Variants in FHIT observed in about 807,000 individuals in gnomAD.
FHIT encodes the protein fragile histidine triad diadenosine triphosphatase, also known as bis(5'-adenosyl)-triphosphatase.
FHIT carries 19 observed loss-of-function variants against 17.9 expected under a neutral mutation model. The ratio of observed to expected loss-of-function variants is 1.06; its 90% CI spans 0.74 to 1.56. The LOEUF (loss-of-function observed/expected upper bound fraction) is 1.56. FHIT is among the 40% of genes most tolerant of loss of function. The pLI is 0.00. For missense variants in FHIT, 248 were observed against 189.2 expected, an observed-to-expected ratio of 1.31 and a Z score of -1.82; for synonymous variants, 81 against 69.7, an observed-to-expected ratio of 1.16 and a Z score of -0.81.
chr3:59,806,156 G>C (rs1446899276), intron 8 of FHIT, among the ~76,000 whole-genome samples: 1 of 151,316 alleles, frequency 6.6e-6, no homozygotes, highest in Non-Finnish European at 1.5e-5. Context: ...ACTCCAGCCT[G>C]GGAGACAGCG....
chr3:60,978,716 C>T (rs898656456), intron 3 of FHIT, among the ~76,000 whole-genome samples: 2 of 152,150 alleles, frequency 1.3e-5, no homozygotes, highest in Non-Finnish European at 2.9e-5. Flanking sequence ...AGATCATGTG[C>T]ATCATCAGGT....
chr3:60,176,287 G>C (rs1015102059), intron 5 of FHIT, among the ~76,000 whole-genome samples: 1 of 152,160 alleles, frequency 6.6e-6, no homozygotes, highest in Non-Finnish European at 1.5e-5. Context: ...AGGAGGCAAA[G>C]GTTGCAGAGA....
intron 3 of FHIT, among the ~76,000 whole-genome samples, chr3:60,867,840 T>C (rs1434835279): frequency 6.6e-6 from 1 of 152,192 alleles, no homozygotes; most frequent in Non-Finnish European, 1.5e-5. Flanking sequence ...TTTGGGCATG[T>C]ACCATTAGCA....
At chr3:60,208,842 T>C (rs213323) in intron 5 of FHIT, among the ~76,000 whole-genome samples, 33,824 of 152,060 alleles carry the variant, frequency 0.22, 4,007 homozygotes, top group Middle Eastern at 0.29. Context: ...AGCTCTAAGT[T>C]TCCATGACTA....
intron 5 of FHIT, among the ~76,000 whole-genome samples, chr3:60,522,552 T>C (rs973212204): frequency 4.6e-5 from 7 of 152,198 alleles, no homozygotes; most frequent in Admixed American, 2.0e-4. Context: ...CAAGGAAACC[T>C]GAGAGCTCAC....
chr3:60,928,393 C>T (rs1237029390), intron 3 of FHIT, among the ~76,000 whole-genome samples: 3 of 137,380 alleles, frequency 2.2e-5, no homozygotes, highest in African/African-American at 8.1e-5. Flanking sequence ...AAAAAAAGTG[C>T]GAAAATTAGC....
At chr3:60,753,326 G>C (rs1209956982) in intron 4 of FHIT, among the ~76,000 whole-genome samples, 1 of 152,182 alleles carries the variant, frequency 6.6e-6, no homozygotes, top group Non-Finnish European at 1.5e-5. Flanking sequence ...TTTATTCTCT[G>C]GCAGAGCTGG....
intron 5 of FHIT, among the ~76,000 whole-genome samples, chr3:60,441,794 A>T (rs370384095): frequency 5.1e-4 from 24 of 47,064 alleles, no homozygotes; most frequent in African/African-American, 1.1e-3. Flanking sequence ...ATATATATAT[A>T]TATATATATA....
intron 4 of FHIT, among the ~76,000 whole-genome samples, chr3:60,700,007 T>C (rs1188734374): frequency 6.6e-6 from 1 of 151,706 alleles, no homozygotes; most frequent in Non-Finnish European, 1.5e-5. Flanking sequence ...GGTGCATGCC[T>C]GTAATCCCAG....
chr3:60,917,961 C>G (rs1219959670), intron 3 of FHIT, among the ~76,000 whole-genome samples: 1 of 152,152 alleles, frequency 6.6e-6, no homozygotes, highest in Non-Finnish European at 1.5e-5. Flanking sequence ...GTTGTGTGCC[C>G]ACCTAAATCT....
At chr3:60,879,889 C>G (rs189308118) in intron 3 of FHIT, among the ~76,000 whole-genome samples, 42 of 151,376 alleles carry the variant, frequency 2.8e-4, no homozygotes, top group African/African-American at 9.7e-4. Context: ...GACTACAAGA[C>G]TTATAGGACA....
intron 5 of FHIT, among the ~76,000 whole-genome samples, chr3:60,403,148 G>C (rs1701726940): frequency 6.6e-6 from 1 of 152,230 alleles, no homozygotes. Flanking sequence ...GCCCGGGATA[G>C]ACAAAGACAG....
intron 3 of FHIT, among the ~76,000 whole-genome samples, chr3:60,888,656 A>G (rs1705345437): frequency 6.6e-6 from 1 of 152,234 alleles, no homozygotes; most frequent in Non-Finnish European, 1.5e-5. Context: ...CAACCAACTA[A>G]TTGGTATATA....
At chr3:61,210,996 A>G (rs2039448375) in intron 1 of FHIT, among the ~76,000 whole-genome samples, 1 of 152,112 alleles carries the variant, frequency 6.6e-6, no homozygotes, top group African/African-American at 2.4e-5. Context: ...AAAACTAGAT[A>G]TTTAAAAATA....
chr3:60,616,386 C>T (rs1294724738), intron 4 of FHIT, among the ~76,000 whole-genome samples: 2 of 152,166 alleles, frequency 1.3e-5, no homozygotes, highest in African/African-American at 4.8e-5. Context: ...ATGATGTGCA[C>T]AGGTGTGCTG....
intron 3 of FHIT, among the ~76,000 whole-genome samples, chr3:60,962,980 A>G (rs1392311277): frequency 1.3e-5 from 2 of 152,094 alleles, no homozygotes; most frequent in Non-Finnish European, 2.9e-5. Context: ...TTTTCTCTTG[A>G]TTGGAATGGT....
intron 5 of FHIT, among the ~76,000 whole-genome samples, chr3:60,235,023 C>T (rs1023474436): frequency 4.6e-5 from 7 of 152,168 alleles, no homozygotes; most frequent in Admixed American, 2.6e-4. Context: ...GGAGCAGTTT[C>T]GAACAAGGTG....
At chr3:60,848,681 C>T (rs13088848) in intron 3 of FHIT, among the ~76,000 whole-genome samples, 28,968 of 152,088 alleles carry the variant, frequency 0.19, 2,992 homozygotes, top group Middle Eastern at 0.28. Context: ...AATATAGATA[C>T]TTACCTCACC....
In FHIT at chr3:61,200,875, T is replaced by C. The variant is rs377284007; in HGVS notation, c.-212-210A>G. Reference sequence around the variant, plus strand: ...AAATGGTGCACACATCTACCCAGAATTGAAGCACACAAACCTTGGCCAAAT... The same window carrying C: ...AAATGGTGCACACATCTACCCAGAACTGAAGCACACAAACCTTGGCCAAAT... On this transcript the variant is annotated intron_variant, in intron 1 of 9. Coordinates refer to ENST00000492590, the MANE Select transcript of FHIT (RefSeq NM_002012.4). Among the ~76,000 whole-genome samples, 6 of 152,322 alleles carry C rather than the reference T, an allele frequency of 3.9e-5. No individual in the cohort carries two copies. The East Asian group carries it at 9.6e-4, about 24-fold the overall frequency.
Sources: gnomAD v4.1 joint callset for allele counts (sites outside exome capture counted in the v4.1 genomes callset) on GRCh38, gnomAD v4.1.1 for gene constraint, MANE v1.5 for transcripts, NCBI Gene and HGNC (gene_info 2026-07-23, HGNC 2026-07-21) for gene names.